Variants in FRMPD4 observed in about 807,000 individuals in gnomAD.
FRMPD4 encodes FERM and PDZ domain-containing protein 4.
A neutral mutation model predicts 94.1 loss-of-function variants in FRMPD4; 22 were observed. The ratio of observed to expected loss-of-function variants is 0.23; its 90% CI spans 0.17 to 0.33. The LOEUF (loss-of-function observed/expected upper bound fraction) is 0.33, where lower values mean the gene tolerates loss of function less well. FRMPD4 is among the 10% of genes least tolerant of loss of function. The probability of loss-of-function intolerance (pLI) is 1.00; values close to 1 mark genes in which losing one functional copy is unlikely to be tolerated. For synonymous variants in FRMPD4, 631 were observed against 548.6 expected (o/e 1.15, Z -2.10); for missense variants, 1,111 against 1,339.9 (o/e 0.83, Z 2.67).
chrX:11,847,421 T>G (rs1467043908), intron 1 of FRMPD4, among the ~76,000 whole-genome samples: 12 of 106,202 alleles, frequency 1.1e-4, no homozygotes, highest in African/African-American at 4.2e-4. Flanking sequence ...GGAACACTTT[T>G]ACACTGTTGG....
chrX:11,980,451 G>GT (rs1355884156), intron 3 of FRMPD4, among the ~76,000 whole-genome samples: 1 of 111,000 alleles, frequency 9.0e-6, no homozygotes, highest in Non-Finnish European at 1.9e-5. Context: ...CATTAACTGG[G>GT]TTTTTTATCC....
intron 3 of FRMPD4, among the ~76,000 whole-genome samples, chrX:11,899,117 G>A (rs1292962837): frequency 8.9e-6 from 1 of 112,038 alleles, no homozygotes; most frequent in East Asian, 2.8e-4. Context: ...TAAATTTGTA[G>A]GGCATTTTGT....
intron 2 of FRMPD4, among the ~76,000 whole-genome samples, chrX:11,867,425 A>G (rs2053727218): frequency 9.0e-6 from 1 of 111,390 alleles, no homozygotes; most frequent in South Asian, 3.8e-4. Flanking sequence ...TCACTTAACA[A>G]GGCATATATC....
At chrX:12,664,988 C>T (rs1477646113) in intron 4 of FRMPD4, among the ~76,000 whole-genome samples, 1 of 111,744 alleles carries the variant, frequency 8.9e-6, no homozygotes, top group Non-Finnish European at 1.9e-5. Context: ...AGTTTATTTG[C>T]ATAGAGGTGT....
At chrX:12,203,900 A>G in intron 1 of FRMPD4, among the ~76,000 whole-genome samples, 2 of 112,443 alleles carry the variant, frequency 1.8e-5, no homozygotes, top group Middle Eastern at 9.1e-3. Context: ...GGGTCCTCAG[A>G]GATACAAAGA....
chrX:12,273,864 T>A (rs1321586026), intron 1 of FRMPD4, among the ~76,000 whole-genome samples: 1 of 112,386 alleles, frequency 8.9e-6, no homozygotes, highest in Admixed American at 9.4e-5. Context: ...GACCGAAATG[T>A]TTTTTTATTG....
chrX:11,895,361 C>T (rs1270598981), intron 3 of FRMPD4, among the ~76,000 whole-genome samples: 5 of 111,308 alleles, frequency 4.5e-5, no homozygotes, highest in Non-Finnish European at 9.4e-5. Flanking sequence ...GAATAGACAA[C>T]GTTAACACAG....
chrX:12,667,909 A>G (rs145341318), intron 4 of FRMPD4, among the ~76,000 whole-genome samples: 1,529 of 112,272 alleles, frequency 0.014, 29 homozygotes, highest in African/African-American at 0.047. Flanking sequence ...AGGGATGAAA[A>G]TGATGTTTTT....
At chrX:12,611,714 C>A (rs56019438) in intron 3 of FRMPD4, among the ~76,000 whole-genome samples, 38,399 of 111,256 alleles carry the variant, frequency 0.35, 6,445 homozygotes, top group Non-Finnish European at 0.51. Flanking sequence ...TGCCCCAGGG[C>A]AAGCACCACA....
At chrX:12,633,426 G>A (rs1449067959) in intron 4 of FRMPD4, among the ~76,000 whole-genome samples, 2 of 111,692 alleles carry the variant, frequency 1.8e-5, no homozygotes, top group Non-Finnish European at 3.8e-5. Context: ...AGTAGCTGGT[G>A]TGGATTAACC....
intron 1 of FRMPD4, among the ~76,000 whole-genome samples, chrX:12,355,382 G>A (rs190683144): frequency 9.0e-6 from 1 of 111,255 alleles, no homozygotes; most frequent in East Asian, 2.8e-4. Context: ...GTTTCACCAT[G>A]TTGCCCAGGC....
chrX:12,413,447 C>T (rs151125720), intron 1 of FRMPD4, among the ~76,000 whole-genome samples: 209 of 111,988 alleles, frequency 1.9e-3, no homozygotes, highest in African/African-American at 6.6e-3. Flanking sequence ...ACATCAACCC[C>T]GTGAGTTAGA....
At chrX:12,412,688 G>A (rs771227480) in intron 1 of FRMPD4, among the ~76,000 whole-genome samples, 1 of 112,323 alleles carries the variant, frequency 8.9e-6, no homozygotes, top group South Asian at 3.7e-4. Context: ...TTTTCTGAGA[G>A]TAAAGACTCA....
At chrX:12,038,654 C>T (rs2054733236) in intron 3 of FRMPD4, among the ~76,000 whole-genome samples, 1 of 111,923 alleles carries the variant, frequency 8.9e-6, no homozygotes, top group African/African-American at 3.2e-5. Flanking sequence ...TTAGTTTCAG[C>T]TCTGACATTT....
chrX:11,848,155 C>G (rs2053593151), intron 1 of FRMPD4, among the ~76,000 whole-genome samples: 1 of 110,961 alleles, frequency 9.0e-6, no homozygotes, highest in Non-Finnish European at 1.9e-5. Flanking sequence ...ATTATAGCCA[C>G]TCTGAATTCT....
At chrX:11,999,874 T>G (rs749838137) in intron 3 of FRMPD4, among the ~76,000 whole-genome samples, 1 of 107,852 alleles carries the variant, frequency 9.3e-6, no homozygotes, top group Non-Finnish European at 1.9e-5. Context: ...GATGGCTCTG[T>G]CTGTCTTTGG....
intron 3 of FRMPD4, among the ~76,000 whole-genome samples, chrX:12,053,425 A>AGAAAGAAG (rs1569149851): frequency 6.0e-5 from 6 of 99,791 alleles, no homozygotes; most frequent in African/African-American, 2.2e-4. Context: ...AAAGAAAGAA[A>AGAAAGAAG]GAAAGAGAAA....
intron 1 of FRMPD4, among the ~76,000 whole-genome samples, chrX:12,453,074 T>C (rs756244963): frequency 2.7e-5 from 3 of 112,665 alleles, no homozygotes; most frequent in South Asian, 7.3e-4. Context: ...TTGGCATTGT[T>C]ACTTAGAGGC....
At chrX:11,926,953 C>T (rs2054092304) in intron 3 of FRMPD4, among the ~76,000 whole-genome samples, 1 of 111,312 alleles carries the variant, frequency 9.0e-6, no homozygotes, top group Non-Finnish European at 1.9e-5. Flanking sequence ...GAGAGGAAGT[C>T]AAACTATCCC....
Sources: allele counts gnomAD v4.1 joint callset (sites outside exome capture counted in the v4.1 genomes callset), GRCh38; gene constraint gnomAD v4.1.1; transcripts MANE v1.5; gene names NCBI Gene and HGNC (gene_info 2026-07-23, HGNC 2026-07-21).